TMEM237: variants seen among roughly 807,000 people sequenced by gnomAD.
TMEM237 encodes the protein amyotrophic lateral sclerosis 2 (juvenile) chromosome region, candidate 4.
A neutral mutation model predicts 59.1 loss-of-function variants in TMEM237; 51 were observed. The observed-to-expected ratio is 0.86, with a 90% CI of 0.69 to 1.09. The LOEUF (loss-of-function observed/expected upper bound fraction) is 1.09. Among genes scored for constraint, TMEM237 ranks in the 50% least tolerant of loss-of-function variants. TMEM237 has a pLI of 0.00. For synonymous variants in TMEM237, 140 were observed against 166.1 expected (o/e 0.84, Z 1.21); for missense variants, 475 against 478.3 (o/e 0.99, Z 0.06).
At position 201,635,771 on chromosome 2, in the gene TMEM237, A is replaced by AG. The variant is rs1334281054; in HGVS notation, c.274+976_274+977insC. Among the ~76,000 whole-genome samples, 5 of 151,804 alleles carry AG rather than the reference A, an allele frequency of 3.3e-5. No individual in the cohort carries two copies. The East Asian group carries it at 9.7e-4, about 29-fold the overall frequency. On this transcript the variant is annotated intron_variant, in intron 5 of 12. Transcript: ENST00000409883. This position sits in a 1 kb window ranked among gnomAD's most constrained non-coding sequence, Gnocchi z 4.5. ...GAGTGAAACTCCATCTTAAAAAAAA[A>AG]AAAAAAGAGGCTCGAAGAAACAAGG...
At chr2:201,640,218 AT>A in intron 3 of TMEM237, 42 bp downstream of exon 3, 3 of 1,519,032 alleles carry the variant, frequency 2.0e-6, no homozygotes, top group Non-Finnish European at 1.8e-6. Flanking sequence ...AATCAAACTA[AT>A]TTTTGAACAC....
At chr2:201,641,683 T>A (rs959473995) in intron 1 of TMEM237, among the ~76,000 whole-genome samples, 1 of 150,370 alleles carries the variant, frequency 6.7e-6, no homozygotes, top group Admixed American at 6.6e-5. Flanking sequence ...ATTTAAGACA[T>A]ATCTTGTATA....
chr2:201,634,412 T>G (rs569774061), intron 5 of TMEM237: 1 of 152,216 alleles, frequency 6.6e-6, no homozygotes, highest in Non-Finnish European at 1.5e-5. Context: ...ACAAAATAAA[T>G]AAAAACACAA....
At position 201,635,175 on chromosome 2, in the gene TMEM237, T is replaced by C. The variant is rs1354016820; in HGVS notation, c.274+1573A>G. Reference sequence around the variant, plus strand: ...CCATTCTTTTTACTATGTAGATGTATGTACATATTTACGTTCTGGGTTGAA... The same window carrying C: ...CCATTCTTTTTACTATGTAGATGTACGTACATATTTACGTTCTGGGTTGAA... On this transcript the variant is annotated intron_variant, in intron 5 of 12. Transcript: ENST00000409883. The surrounding 1 kb of genome is among the most constrained non-coding windows in gnomAD (Gnocchi z 4.5). 1.3e-5 allele frequency among the ~76,000 whole-genome samples: 2 copies of C among 152,236 alleles called. No homozygotes were observed. The highest frequency in any genetic ancestry group is 2.9e-5 in the Non-Finnish European group (2 of 68,044).
At position 201,620,720 on chromosome 2, in the gene TMEM237, G is replaced by A. The variant is rs900078116; in HGVS notation, c.*3535C>T. ...CAGGTTGTGATGGCCTTTGTGCAAG[G>A]TGTGGTTTTGTGCAGTCTTTTAATG... is the stretch of plus-strand genomic sequence containing the variant. On this transcript the variant is annotated 3_prime_UTR_variant, in exon 13 of 13. Coordinates refer to ENST00000409883, the MANE Select transcript of TMEM237 (RefSeq NM_001044385.3). 6.6e-6 allele frequency: 1 copy of A among 152,200 alleles called. No homozygotes were observed. The highest frequency in any genetic ancestry group is 2.4e-5 in the African/African-American group (1 of 41,424). 9.4% of individuals were successfully genotyped at this position (152,200 alleles called of 1,614,324 possible).
intron 1 of TMEM237, among the ~76,000 whole-genome samples, 176 bp from the exon 2 acceptor site, chr2:201,641,100 C>T (rs933718566): frequency 3.3e-5 from 5 of 151,958 alleles, no homozygotes; most frequent in Admixed American, 3.3e-4. Flanking sequence ...CAAGCAATTC[C>T]CCTGCCTCAG....
At chr2:201,639,165 G>T in intron 3 of TMEM237, 120 bp from the exon 4 acceptor site, 2 of 909,572 alleles carry the variant, frequency 2.2e-6, no homozygotes, top group South Asian at 1.7e-5. Context: ...CCTGGCAAAC[G>T]TTTATAGATT....
At chr2:201,638,845 G>T (rs1559589983) in intron 4 of TMEM237, 144 bp downstream of exon 4, 2 of 795,106 alleles carry the variant, frequency 2.5e-6, no homozygotes, top group Non-Finnish European at 2.0e-6. Flanking sequence ...GAATTCCACT[G>T]CTTCAAACTG....
chr2:201,640,777 T>G, intron 2 of TMEM237, 116 bp downstream of exon 2: 1 of 871,936 alleles, frequency 1.1e-6, no homozygotes, highest in South Asian at 2.2e-5. Context: ...TCCCTAAATT[T>G]TTCAGAAGAG....
Position 201,643,314 on chromosome 2 carries a change from G to A in TMEM237, c.42+45C>T, listed in dbSNP as rs1231857547. ...CCCACCCCCACTGCCAAGTGTAGCT[G>A]TTTACCCGCCACCTCTCGAGGCCGA... is the stretch of plus-strand genomic sequence containing the variant. On this transcript the variant is annotated intron_variant, in intron 1 of 12. Coordinates refer to ENST00000409883, the MANE Select transcript of TMEM237 (RefSeq NM_001044385.3). This position sits in a 1 kb window ranked among gnomAD's most constrained non-coding sequence, Gnocchi z 4.3. The A allele has an allele frequency of 6.5e-7, 1 of 1,539,352 alleles. No homozygotes were observed. Among genetic ancestry groups the A allele is most frequent in the East Asian group, 2.5e-5 (1 of 39,834 alleles).
chr2:201,626,333 G>T, intron 11 of TMEM237, 186 bp from the exon 12 acceptor site: 3 of 586,934 alleles, frequency 5.1e-6, no homozygotes, highest in Non-Finnish European at 8.5e-6. Context: ...GGGTTCAAAG[G>T]TTATTTAAAC....
intron 1 of TMEM237, among the ~76,000 whole-genome samples, chr2:201,641,353 A>G (rs1687414068): frequency 6.6e-6 from 1 of 152,198 alleles, no homozygotes; most frequent in Admixed American, 6.5e-5. Flanking sequence ...GGATCAGACT[A>G]GGATCTTCAA....
At chr2:201,628,670 GA>G (rs1440826627) in intron 9 of TMEM237, among the ~76,000 whole-genome samples, 1 of 152,166 alleles carries the variant, frequency 6.6e-6, no homozygotes, top group African/African-American at 2.4e-5. Context: ...TACACAGGGG[GA>G]AAGTGCTGCA....
intron 1 of TMEM237, among the ~76,000 whole-genome samples, chr2:201,641,979 T>C (rs1687431605): frequency 6.6e-6 from 1 of 152,190 alleles, no homozygotes; most frequent in East Asian, 1.9e-4. Context: ...TTGGATTTTG[T>C]TTTAATTCAA....
rs1462537932 is a variant in TMEM237 at position 201,626,165 on chromosome 2, C to G, written c.1038-18G>C. 1 of 1,609,090 alleles carries G rather than the reference C, an allele frequency of 6.2e-7. No individual in the cohort carries two copies. Among genetic ancestry groups the G allele is most frequent in the Admixed American group, 1.7e-5 (1 of 59,450 alleles). On this transcript the variant is annotated intron_variant, in intron 11 of 12. Coordinates refer to ENST00000409883, the MANE Select transcript of TMEM237 (RefSeq NM_001044385.3). ...CTGCTTCCCTAAAAATGTAGAAACACTCATTAGAAGTGCCTTCAGTTTGGT... is the reference window on the plus strand; with the variant it reads ...CTGCTTCCCTAAAAATGTAGAAACAGTCATTAGAAGTGCCTTCAGTTTGGT...
At chr2:201,639,531 C>T (rs749509769) in intron 3 of TMEM237, among the ~76,000 whole-genome samples, 1 of 152,206 alleles carries the variant, frequency 6.6e-6, no homozygotes, top group Non-Finnish European at 1.5e-5. Flanking sequence ...CGCAGTGGCT[C>T]ACACCTGTAA....
intron 1 of TMEM237, chr2:201,642,693 G>A (rs752757268): frequency 1.3e-5 from 21 of 1,591,102 alleles, no homozygotes; most frequent in Admixed American, 1.8e-5. Context: ...CTCCCGGCTC[G>A]GTCGCGCGCG....
At chr2:201,624,622 T>C (rs1270288161) in intron 12 of TMEM237, among the ~76,000 whole-genome samples, 1 of 152,118 alleles carries the variant, frequency 6.6e-6, no homozygotes. Flanking sequence ...GAATCAAAGA[T>C]CATTAAACAG....
At chr2:201,642,262 T>G (rs1489150987) in intron 1 of TMEM237, among the ~76,000 whole-genome samples, 1 of 152,242 alleles carries the variant, frequency 6.6e-6, no homozygotes, top group Non-Finnish European at 1.5e-5. Context: ...TCAAAAGGGT[T>G]AAATTTTAGA....
Sources: gnomAD v4.1 joint callset for allele counts (sites outside exome capture counted in the v4.1 genomes callset) on GRCh38, gnomAD v4.1.1 for gene constraint, Gnocchi (gnomAD v3.1) non-coding constraint, MANE v1.5 for transcripts, NCBI Gene and HGNC (gene_info 2026-07-23, HGNC 2026-07-21) for gene names.